Variants in ESR2 observed in about 807,000 individuals in gnomAD.
ESR2 encodes the protein estrogen receptor beta.
In ESR2, 36 loss-of-function variants were observed where a neutral mutation model predicts 49.6. The observed-to-expected ratio is 0.73, with a 90% CI of 0.56 to 0.96. The LOEUF is 0.96. Among genes scored for constraint, ESR2 ranks in the 40% least tolerant of loss-of-function variants. The probability of loss-of-function intolerance (pLI) is 0.00; values close to 1 mark genes in which losing one functional copy is unlikely to be tolerated. For missense variants in ESR2, 714 were observed against 693.0 expected (o/e 1.03, Z -0.34); for synonymous variants, 320 against 266.1 (o/e 1.20, Z -1.97).
At chr14:64,238,739 C>T (rs1222473043) in intron 7 of ESR2, among the ~76,000 whole-genome samples, 3 of 149,028 alleles carry the variant, frequency 2.0e-5, no homozygotes, top group East Asian at 1.9e-4. Flanking sequence ...TTTGATGAAA[C>T]GGAAGAAGTA....
At position 64,234,963 on chromosome 14, in the gene ESR2, C is replaced by T. The variant is rs910792156; in HGVS notation, c.1406+7G>A. 1.2e-5 allele frequency: 19 copies of T among 1,613,438 alleles called. No homozygotes were observed. Among genetic ancestry groups the T allele is most frequent in the African/African-American group, 4.0e-5 (3 of 74,910 alleles). Reference sequence around the variant, plus strand: ...GCCCAAGCAGAGCAGCTCCTTAGGGCGCGTACCTCGCATGCCTGACGTGGG... The same window carrying T: ...GCCCAAGCAGAGCAGCTCCTTAGGGTGCGTACCTCGCATGCCTGACGTGGG... On this transcript the variant is annotated splice_region_variant and intron_variant, in intron 8 of 8. Transcript: ENST00000341099.
chr14:64,257,311 T>A lies in ESR2; in HGVS notation c.1006A>T (p.Met336Leu). 6.2e-7 allele frequency: 1 copy of A among 1,613,842 alleles called. No homozygotes were observed. The highest frequency in any genetic ancestry group is 8.5e-7 in the Non-Finnish European group (1 of 1,179,998). Residue 336 changes from methionine (M) to leucine (L), a missense_variant, in exon 6 of 9, where the codon ATG becomes TTG. Coordinates refer to ENST00000341099, the MANE Select transcript of ESR2 (RefSeq NM_001437.3). ...DQVRLLESCW[M>L]EVLMMGLMWR... is the part of the protein sequence containing the mutation. ...ATCAGCCCCATCATTAACACCTCCA[T>A]CCAACAGCTCTCCAAGAGCCGCACT... is the stretch of plus-strand genomic sequence containing the variant.
At chr14:64,235,194 G>T in intron 7 of ESR2, 44 bp from the exon 8 acceptor site, 2 of 1,587,696 alleles carry the variant, frequency 1.3e-6, no homozygotes, top group South Asian at 2.2e-5. Context: ...CTGAGCAAAG[G>T]AGCAGAAGTC....
At chr14:64,259,248 T>G (rs868083450) in intron 5 of ESR2, among the ~76,000 whole-genome samples, 1 of 152,142 alleles carries the variant, frequency 6.6e-6, no homozygotes, top group Admixed American at 6.5e-5. Context: ...TCAGAAGAAA[T>G]GGGCCCAGGC....
chr14:64,309,160 A>G (rs1234263698), intron 1 of ESR2, among the ~76,000 whole-genome samples: 1 of 152,162 alleles, frequency 6.6e-6, no homozygotes, highest in Admixed American at 6.5e-5. Flanking sequence ...ACAAAAGTGG[A>G]ATTATCTGGC....
rs187030497 is a variant in ESR2 at position 64,240,497 on chromosome 14, A to G, written c.1226-5347T>C. ...TTAGCCTACAAACTTTGCTCTCTTA[A>G]TCTTTTTGTTTTGCTTTCATTACAT... On this transcript the variant is annotated intron_variant, in intron 7 of 8. Transcript: ENST00000341099. Among the ~76,000 whole-genome samples the G allele has an allele frequency of 3.5e-3, 540 of 152,248 alleles. 1 individual carries two copies. The highest frequency in any genetic ancestry group is 0.012 in the African/African-American group (507 of 41,538).
chr14:64,266,275 T>C (rs2076325581), intron 4 of ESR2, among the ~76,000 whole-genome samples: 1 of 152,246 alleles, frequency 6.6e-6, no homozygotes, highest in Non-Finnish European at 1.5e-5. Flanking sequence ...TAAGTCTTCA[T>C]ATATGTTTTC....
chr14:64,321,669 C>A (rs1292020369), intron 1 of ESR2, among the ~76,000 whole-genome samples: 2 of 151,968 alleles, frequency 1.3e-5, no homozygotes, highest in Non-Finnish European at 2.9e-5. Context: ...AAGAAGGAGG[C>A]AATTTGTAGA....
At chr14:64,288,427 C>A (rs1408944252) in intron 1 of ESR2, among the ~76,000 whole-genome samples, 1 of 149,708 alleles carries the variant, frequency 6.7e-6, no homozygotes, top group Non-Finnish European at 1.5e-5. Flanking sequence ...TGGCTCACTG[C>A]AAGCTCCACC....
chr14:64,257,592 T>C (rs1448721357), intron 5 of ESR2, among the ~76,000 whole-genome samples: 1 of 152,214 alleles, frequency 6.6e-6, no homozygotes, highest in African/African-American at 2.4e-5. Flanking sequence ...ATACTTCATT[T>C]AGAGTTTGTC....
At chr14:64,304,986 A>C (rs1195818289) in intron 1 of ESR2, among the ~76,000 whole-genome samples, 3 of 152,154 alleles carry the variant, frequency 2.0e-5, no homozygotes, top group Non-Finnish European at 4.4e-5. Context: ...TTAAAAGCAA[A>C]CTGCTTATAA....
intron 1 of ESR2, among the ~76,000 whole-genome samples, chr14:64,325,532 T>C (rs935159135): frequency 6.6e-6 from 1 of 152,172 alleles, no homozygotes; most frequent in Admixed American, 6.6e-5. Context: ...GAAGGTGTTA[T>C]TGTAAATTAT....
chr14:64,262,648 G>C (rs905712499), intron 4 of ESR2, among the ~76,000 whole-genome samples: 4 of 151,988 alleles, frequency 2.6e-5, no homozygotes, highest in Admixed American at 2.6e-4. Flanking sequence ...AACTTTAGGA[G>C]GCCAAAGGTG....
intron 8 of ESR2, 107 bp from the exon 9 acceptor site, chr14:64,233,430 A>C: frequency 2.9e-6 from 3 of 1,037,162 alleles, no homozygotes; most frequent in South Asian, 1.5e-5. Context: ...CCACCCCTAA[A>C]CCCACTCTTC....
chr14:64,294,259 G>C lies in ESR2; in HGVS notation c.-317C>G, dbSNP rs1158567223. 3 of 152,344 alleles carry C rather than the reference G, an allele frequency of 2.0e-5. No individual in the cohort carries two copies. The highest frequency in any genetic ancestry group is 6.5e-5 in the Admixed American group (1 of 15,288). The allele number at this position is 152,344 out of a possible 1,614,324, so 9.4% of individuals were successfully genotyped here. ...GCGCTCGCCGCCTGCTCTTCGCCCTGCAAGTTTCAAGAGGCAGTTATTTCT... is the reference window on the plus strand; with the variant it reads ...GCGCTCGCCGCCTGCTCTTCGCCCTCCAAGTTTCAAGAGGCAGTTATTTCT... On this transcript the variant is annotated 5_prime_UTR_variant, in exon 1 of 9. Transcript: ENST00000341099.
At chr14:64,334,680 CTT>C (rs1462136633) in intron 1 of ESR2, among the ~76,000 whole-genome samples, 1 of 152,216 alleles carries the variant, frequency 6.6e-6, no homozygotes, top group African/African-American at 2.4e-5. Flanking sequence ...GACATTTGCT[CTT>C]GTTGCCCAGA....
Position 64,231,153 on chromosome 14 carries a change from G to C in ESR2, c.*1984C>G, listed in dbSNP as rs1361398107. On this transcript the variant is annotated 3_prime_UTR_variant, in exon 9 of 9. Transcript: ENST00000341099. The stretch of plus-strand genomic sequence containing the variant: ...CCCACCTCGGCCTCCCAAAGTGCTG[G>C]GATTACAGGCGTGAGCCACCACATC... The C allele has an allele frequency of 6.6e-6, 1 of 151,994 alleles. No individual in the cohort carries two copies. The highest frequency in any genetic ancestry group is 1.5e-5 in the Non-Finnish European group (1 of 68,024). The allele number at this position is 151,994 out of a possible 1,614,324, so 9.4% of individuals were successfully genotyped here. A position where few individuals can be genotyped will look rare whatever the true frequency, so the allele number is the denominator to read the frequency against.
chr14:64,273,805 A>T (rs1172187327), intron 3 of ESR2, among the ~76,000 whole-genome samples: 1 of 151,760 alleles, frequency 6.6e-6, no homozygotes, highest in Non-Finnish European at 1.5e-5. Context: ...GGTCTCACGG[A>T]ATGATTTTGA....
At chr14:64,274,282 T>C (rs1164187346) in intron 3 of ESR2, among the ~76,000 whole-genome samples, 1 of 152,128 alleles carries the variant, frequency 6.6e-6, no homozygotes, top group Non-Finnish European at 1.5e-5. Context: ...TTCAATCTTG[T>C]TACTTGTTAC....
Sources: allele counts gnomAD v4.1 joint callset (sites outside exome capture counted in the v4.1 genomes callset), GRCh38; gene constraint gnomAD v4.1.1; transcripts MANE v1.5; gene names NCBI Gene and HGNC (gene_info 2026-07-23, HGNC 2026-07-21).